The following GLT8D2 variants were observed in gnomAD, a reference collection of about 807,000 sequenced individuals.
GLT8D2 encodes glycosyltransferase 8 domain-containing protein 2.
Under a neutral mutation model 44.5 loss-of-function variants are expected in GLT8D2, and 45 were observed. The observed-to-expected ratio is 1.01, with a 90% CI of 0.80 to 1.30. GLT8D2 has a LOEUF of 1.30. Ranked by LOEUF, GLT8D2 falls within the 50% of genes most tolerant of loss-of-function variation. GLT8D2 has a pLI of 0.00. For missense variants in GLT8D2, 400 were observed against 430.4 expected (o/e 0.93, Z 0.62); for synonymous variants, 156 against 157.2 (o/e 0.99, Z 0.06).
At chr12:104,006,776 G>A (rs1026772931) in intron 4 of GLT8D2, among the ~76,000 whole-genome samples, 1 of 152,146 alleles carries the variant, frequency 6.6e-6, no homozygotes, top group African/African-American at 2.4e-5. Context: ...TAGCACATAA[G>A]GCTGTGAGCC....
chr12:104,014,419 C>T (rs888814875), intron 4 of GLT8D2: 1 of 609,370 alleles, frequency 1.6e-6, no homozygotes. Flanking sequence ...TGGAGGTTGA[C>T]TTTGTGTGTG....
intron 4 of GLT8D2, chr12:104,014,449 C>G (rs963169889): frequency 1.4e-5 from 8 of 581,536 alleles, no homozygotes; most frequent in Admixed American, 8.1e-5. Flanking sequence ...TTTGAAGGTG[C>G]CATCTCAGGC....
chr12:104,044,936 T>A (rs1335001135), intron 1 of GLT8D2, among the ~76,000 whole-genome samples: 1 of 152,262 alleles, frequency 6.6e-6, no homozygotes, highest in Non-Finnish European at 1.5e-5. Flanking sequence ...TTGAACTTCA[T>A]ATGTACATAT....
At chr12:104,042,090 C>G (rs911666519) in intron 1 of GLT8D2, among the ~76,000 whole-genome samples, 2 of 152,238 alleles carry the variant, frequency 1.3e-5, no homozygotes. Flanking sequence ...CCATCCTTTT[C>G]TCCTTTGCCT....
chr12:104,013,071 C>T (rs1028915441), intron 4 of GLT8D2, among the ~76,000 whole-genome samples: 8 of 152,142 alleles, frequency 5.3e-5, no homozygotes, highest in Admixed American at 2.6e-4. Context: ...CCCAAGCAAA[C>T]GAATACAGAT....
intron 1 of GLT8D2, among the ~76,000 whole-genome samples, chr12:104,037,746 A>T (rs1224085801): frequency 6.6e-6 from 1 of 152,218 alleles, no homozygotes; most frequent in Non-Finnish European, 1.5e-5. Flanking sequence ...TTCCTTCTGA[A>T]ACTATTCCAA....
At chr12:104,004,910 G>A (rs1874768047) in intron 4 of GLT8D2, among the ~76,000 whole-genome samples, 1 of 152,176 alleles carries the variant, frequency 6.6e-6, no homozygotes, top group Admixed American at 6.5e-5. Flanking sequence ...CCAAAAAAGA[G>A]CCCGCATCGC....
chr12:104,052,949 G>C (rs778031901), upstream of GLT8D2, among the ~76,000 whole-genome samples: 13 of 152,044 alleles, frequency 8.6e-5, no homozygotes, highest in Non-Finnish European at 1.6e-4. Context: ...AATGTTTTTA[G>C]CTAAAACGTT....
intron 10 of GLT8D2, among the ~76,000 whole-genome samples, chr12:103,989,952 A>G (rs1872515569): frequency 1.3e-5 from 2 of 151,840 alleles, no homozygotes; most frequent in South Asian, 4.2e-4. Context: ...ATTTTTAGTG[A>G]CTGTATAGAA....
At chr12:104,045,862 A>C (rs1881020132) in intron 1 of GLT8D2, among the ~76,000 whole-genome samples, 1 of 150,836 alleles carries the variant, frequency 6.6e-6, no homozygotes, top group Non-Finnish European at 1.5e-5. Context: ...CCATCACTAG[A>C]TTCAGTTAAA....
intron 1 of GLT8D2, among the ~76,000 whole-genome samples, chr12:104,061,810 C>T (rs1882671694): frequency 6.6e-6 from 1 of 151,664 alleles, no homozygotes; most frequent in Non-Finnish European, 1.5e-5. Flanking sequence ...AACCTCATCC[C>T]TACTAAAAAT....
chr12:104,038,910 G>A (rs1483497908), intron 1 of GLT8D2, among the ~76,000 whole-genome samples: 3 of 152,194 alleles, frequency 2.0e-5, no homozygotes, highest in Non-Finnish European at 4.4e-5. Flanking sequence ...AAAGGCTACA[G>A]TAACCAAAAT....
chr12:104,005,111 G>C (rs1593535542), intron 4 of GLT8D2, among the ~76,000 whole-genome samples: 1 of 152,116 alleles, frequency 6.6e-6, no homozygotes, highest in African/African-American at 2.4e-5. Context: ...TGACAAACCT[G>C]ACAAAAACAA....
In GLT8D2 at chr12:104,064,006, G is replaced by T. The variant is rs1302434796; in HGVS notation, c.-480C>A. The T allele has an allele frequency of 6.6e-6, 1 of 152,278 alleles. No homozygotes were observed. The highest frequency in any genetic ancestry group is 1.5e-5 in the Non-Finnish European group (1 of 68,100). The allele number at this position is 152,278 out of a possible 1,614,324, so 9.4% of individuals were successfully genotyped here. A position where few individuals can be genotyped will look rare whatever the true frequency, so the allele number is the denominator to read the frequency against. On this transcript the variant is annotated 5_prime_UTR_variant, in exon 1 of 11. Coordinates refer to the GLT8D2 transcript ENST00000548660. This position sits in a 1 kb window ranked among gnomAD's most constrained non-coding sequence, Gnocchi z 7.3. ...CATGGCTCCGCACAAAGCTGCCTTCGGTTCGCCCGGCAGGCTTTGTAGCGA... is the reference window on the plus strand; with the variant it reads ...CATGGCTCCGCACAAAGCTGCCTTCTGTTCGCCCGGCAGGCTTTGTAGCGA...
intron 1 of GLT8D2, among the ~76,000 whole-genome samples, chr12:104,021,817 AAAGAAAAGAAAGAG>A (rs1347838766): frequency 1.3e-5 from 2 of 148,314 alleles, no homozygotes; most frequent in African/African-American, 5.0e-5. Context: ...AGAAGAAAGA[AAAGAAAAGAAAGAG>A]AGAAAGGAAG....
In GLT8D2 at chr12:104,047,738, G is replaced by C. The variant is rs995046182; in HGVS notation, c.-164+2157C>G. Among the ~76,000 whole-genome samples, 4 of 152,262 alleles carry C rather than the reference G, an allele frequency of 2.6e-5. No individual in the cohort carries two copies. The East Asian group carries it at 7.7e-4, about 29-fold the overall frequency. On this transcript the variant is annotated intron_variant, in intron 1 of 10. Transcript: ENST00000360814. ...TTAGAGTTTCAACATATGAATTTTG[G>C]GGGGACACAAACCTTCAGACCATAG...
At chr12:104,001,540 G>A (rs1038860244) in intron 5 of GLT8D2, among the ~76,000 whole-genome samples, 3 of 152,150 alleles carry the variant, frequency 2.0e-5, no homozygotes, top group Non-Finnish European at 1.5e-5. Flanking sequence ...CCTGCACTGG[G>A]TAATGTTGTT....
At chr12:104,036,308 C>T (rs1879922277) in intron 1 of GLT8D2, among the ~76,000 whole-genome samples, 2 of 152,154 alleles carry the variant, frequency 1.3e-5, no homozygotes, top group Admixed American at 6.5e-5. Context: ...TCACACATAA[C>T]AATATTAACC....
At chr12:104,060,632 A>G (rs553151463) in intron 1 of GLT8D2, among the ~76,000 whole-genome samples, 1 of 152,306 alleles carries the variant, frequency 6.6e-6, no homozygotes, top group Middle Eastern at 3.4e-3. Context: ...TTATAATAAG[A>G]GGAGAAGAGG....
Sources: allele counts gnomAD v4.1 joint callset (sites outside exome capture counted in the v4.1 genomes callset), GRCh38; gene constraint gnomAD v4.1.1; non-coding constraint Gnocchi (gnomAD v3.1); transcripts MANE v1.5; gene names NCBI Gene and HGNC (gene_info 2026-07-23, HGNC 2026-07-21).